Variants in GPC1 observed in about 807,000 individuals in gnomAD.
GPC1 encodes glypican 1, also known as glypican-1.
Under a neutral mutation model 51.5 loss-of-function variants are expected in GPC1, and 26 were observed. That is an observed-to-expected ratio of 0.50 (90% CI 0.37 to 0.70). GPC1 has a LOEUF of 0.70. Ranked by LOEUF, GPC1 falls within the 30% of genes least tolerant of loss-of-function variation. GPC1 has a pLI of 0.00. For missense variants in GPC1, 775 were observed against 800.5 expected (o/e 0.97, Z 0.38); for synonymous variants, 380 against 348.3 (o/e 1.09, Z -1.01).
intron 1 of GPC1, among the ~76,000 whole-genome samples, chr2:240,439,258 C>T (rs1456322399): frequency 6.6e-6 from 1 of 152,188 alleles, no homozygotes; most frequent in Non-Finnish European, 1.5e-5. Flanking sequence ...CACCCCCAGG[C>T]CTTCCTGGCT....
At chr2:240,462,684 T>C in intron 3 of GPC1, 102 bp downstream of exon 3, 2 of 1,111,954 alleles carry the variant, frequency 1.8e-6, no homozygotes, top group East Asian at 5.0e-5. Context: ...CCCCTGGGCC[T>C]CTGGGCCAGC....
intron 1 of GPC1, among the ~76,000 whole-genome samples, chr2:240,439,005 C>T (rs969576859): frequency 2.1e-4 from 32 of 152,212 alleles, no homozygotes; most frequent in African/African-American, 6.0e-4. Context: ...TCACTGCCCG[C>T]GTGCCAGCAG....
Position 240,459,039 on chromosome 2 carries a change from T to TGCGG in GPC1, c.177_180dup (p.Ile61AlafsTer50). ...TGGCCTTTCCCCACAGGTGAGCACC[T>TGCGG]GCGGATCTGTCCCCAGGGCTACACC... On this transcript the variant is annotated frameshift_variant, in exon 2 of 9. Transcript: ENST00000264039. LOFTEE classifies it high-confidence loss of function. 1.9e-6 allele frequency: 3 copies of TGCGG among 1,612,696 alleles called. No homozygotes were observed. The highest frequency in any genetic ancestry group is 2.5e-6 in the Non-Finnish European group (3 of 1,179,822).
At chr2:240,464,113 TGTGTG>T (rs2074239655) in intron 4 of GPC1, 1 of 206,552 alleles carries the variant, frequency 4.8e-6, no homozygotes, top group African/African-American at 2.3e-5. Context: ...GGCCAACAGG[TGTGTG>T]CTAACGTGAT....
At chr2:240,449,864 G>A (rs111433818) in intron 1 of GPC1, 14 of 470,666 alleles carry the variant, frequency 3.0e-5, no homozygotes, top group African/African-American at 1.6e-4. Flanking sequence ...CCTCCACGCC[G>A]GAGCATGTGT....
chr2:240,444,387 C>T (rs2074036602), intron 1 of GPC1, among the ~76,000 whole-genome samples: 1 of 152,188 alleles, frequency 6.6e-6, no homozygotes, highest in Admixed American at 6.5e-5. Context: ...CCAAATCCAG[C>T]CGCCCAGGAC....
chr2:240,455,988 CG>C, intron 1 of GPC1: 8 of 427,006 alleles, frequency 1.9e-5, no homozygotes, highest in Admixed American at 2.7e-5. Flanking sequence ...TCCAGCCTGC[CG>C]GGGGCTCCCA....
At position 240,448,969 on chromosome 2, in the gene GPC1, G is replaced by C. The variant is rs192819739; in HGVS notation, c.167-10061G>C. Among the ~76,000 whole-genome samples, 1 of 152,078 alleles carries C rather than the reference G, an allele frequency of 6.6e-6. No homozygotes were observed. Among genetic ancestry groups the C allele is most frequent in the Non-Finnish European group, 1.5e-5 (1 of 68,002 alleles). On this transcript the variant is annotated intron_variant, in intron 1 of 8. Coordinates refer to ENST00000264039, the MANE Select transcript of GPC1 (RefSeq NM_002081.3). This position sits in a 1 kb window ranked among gnomAD's most constrained non-coding sequence, Gnocchi z 4.5. Reference sequence around the variant, plus strand: ...TTCCTCCCCTTCAGTGAGGACAGGGGGACACTCAGGCCAGTGGAAGGAGAT... The same window carrying C: ...TTCCTCCCCTTCAGTGAGGACAGGGCGACACTCAGGCCAGTGGAAGGAGAT...
At chr2:240,439,727 G>A (rs4558582) in intron 1 of GPC1, among the ~76,000 whole-genome samples, 23,259 of 152,148 alleles carry the variant, frequency 0.15, 2,032 homozygotes, top group African/African-American at 0.24. Flanking sequence ...CGGGCCTCTC[G>A]GAGGCTGCCT....
At chr2:240,464,816 G>A (rs1367469378) in intron 5 of GPC1, 40 bp from the exon 6 acceptor site, 1 of 1,565,574 alleles carries the variant, frequency 6.4e-7, no homozygotes, top group Non-Finnish European at 8.7e-7. Context: ...GGGCTTGAGG[G>A]GCCCCACTAC....
chr2:240,461,369 A>G (rs184261811), intron 2 of GPC1, among the ~76,000 whole-genome samples: 1 of 152,278 alleles, frequency 6.6e-6, no homozygotes, highest in African/African-American at 2.4e-5. Flanking sequence ...AGCCCCCGGT[A>G]CCTGTGGGGC....
At chr2:240,457,390 C>G (rs746299029) in intron 1 of GPC1, 8 of 463,760 alleles carry the variant, frequency 1.7e-5, no homozygotes, top group African/African-American at 1.6e-4. Context: ...TCTCTTGTCT[C>G]GGGCTCCTCC....
chr2:240,441,810 C>T (rs1430867263), intron 1 of GPC1, among the ~76,000 whole-genome samples: 2 of 152,182 alleles, frequency 1.3e-5, no homozygotes, highest in Admixed American at 1.3e-4. Flanking sequence ...GCGGTTCTCC[C>T]TCCACCTCCA....
Position 240,465,627 on chromosome 2 carries a change from GA to G in GPC1, c.1424del (p.Asp475AlafsTer40). The G allele has an allele frequency of 6.2e-7, 1 of 1,612,886 alleles. No homozygotes were observed. Among genetic ancestry groups the G allele is most frequent in the Non-Finnish European group, 8.5e-7 (1 of 1,179,956 alleles). On this transcript the variant is annotated frameshift_variant, in exon 8 of 9. Coordinates refer to ENST00000264039, the MANE Select transcript of GPC1 (RefSeq NM_002081.3). LOFTEE classifies it low-confidence loss of function (END_TRUNC). ...GCTGCGCAGCGCCTACAACGGCAACGACGTGGACTTCCAGGACGCCAGTGAG... is the reference window on the plus strand; with the variant it reads ...GCTGCGCAGCGCCTACAACGGCAACGCGTGGACTTCCAGGACGCCAGTGAG... Reference protein sequence around the residue: ...NRLRSAYNGNDVDFQDASDDG... With the variant: ...NRLRSAYNGNXVDFQDASDDG...
rs2073979532 is a variant in GPC1 at position 240,435,817 on chromosome 2, C to T, written c.-102C>T. 9.1e-6 allele frequency: 7 copies of T among 767,478 alleles called. No individual in the cohort carries two copies. Among genetic ancestry groups the T allele is most frequent in the African/African-American group, 1.8e-5 (1 of 54,746 alleles). 47.5% of individuals were successfully genotyped at this position (767,478 alleles called of 1,614,324 possible). ...GCCTCTGGACCGCGAGCCGCGCGCG[C>T]CGGGACCTTGGCTCTGCCCTTCGCG... On this transcript the variant is annotated 5_prime_UTR_variant, in exon 1 of 9. Transcript: ENST00000264039.
At chr2:240,443,656 C>T (rs2074031807) in intron 1 of GPC1, among the ~76,000 whole-genome samples, 1 of 152,220 alleles carries the variant, frequency 6.6e-6, no homozygotes, top group Non-Finnish European at 1.5e-5. Context: ...GGCCCAGCGG[C>T]ATCTGTGAAC....
intron 1 of GPC1, chr2:240,450,465 T>C (rs558167200): frequency 4.7e-5 from 19 of 404,054 alleles, no homozygotes; most frequent in Non-Finnish European, 9.4e-5. Flanking sequence ...CAGGTCACTT[T>C]AGCTCTCTAT....
At chr2:240,464,372 CTG>C (rs2074242033) in intron 4 of GPC1, 2 of 521,586 alleles carry the variant, frequency 3.8e-6, no homozygotes, top group Non-Finnish European at 7.0e-6. Context: ...AGAATGGCCT[CTG>C]TGTATGTGCG....
chr2:240,449,923 TACAG>T (rs749437874), intron 1 of GPC1: 13 of 470,314 alleles, frequency 2.8e-5, no homozygotes, highest in African/African-American at 8.0e-5. Context: ...TGTATGCACC[TACAG>T]ACAGTTTGTG....
Sources: gnomAD v4.1 joint callset for allele counts (sites outside exome capture counted in the v4.1 genomes callset) on GRCh38, gnomAD v4.1.1 for gene constraint, Gnocchi (gnomAD v3.1) non-coding constraint, MANE v1.5 for transcripts, NCBI Gene and HGNC (gene_info 2026-07-23, HGNC 2026-07-21) for gene names.